The following SLC4A10 variants were observed in gnomAD, a reference collection of about 807,000 sequenced individuals.
SLC4A10 encodes solute carrier family 4 member 10.
In SLC4A10, 42 loss-of-function variants were observed where a neutral mutation model predicts 137.7. That is an observed-to-expected ratio of 0.30 (90% confidence interval 0.24 to 0.39). SLC4A10 has a LOEUF of 0.39. SLC4A10 is among the 10% of genes least tolerant of loss of function. The probability of loss-of-function intolerance (pLI) is 1.00; values close to 1 mark genes in which losing one functional copy is unlikely to be tolerated. For missense variants in SLC4A10, 925 were observed against 1,355.0 expected (o/e 0.68, Z 4.98); for synonymous variants, 474 against 464.1 (o/e 1.02, Z -0.27).
intron 2 of SLC4A10, among the ~76,000 whole-genome samples, chr2:161,789,875 G>A (rs1358248339): frequency 6.6e-6 from 1 of 152,120 alleles, no homozygotes; most frequent in Non-Finnish European, 1.5e-5. Context: ...GTGTCTGGGG[G>A]CATAAAATGT....
At position 161,847,452 on chromosome 2, in the gene SLC4A10, G is replaced by A. The variant is rs1349928704; in HGVS notation, c.417-7518G>A. On this transcript the variant is annotated intron_variant, in intron 4 of 26. Transcript: ENST00000446997. ...GTACAGATAATTTTGTCAGCTGTTA[G>A]GTAGTTTTTCAATCCTCCCATTCCT... Among the ~76,000 whole-genome samples, 5 of 151,978 alleles carry A rather than the reference G, an allele frequency of 3.3e-5. No homozygotes were observed. The East Asian group carries it at 9.7e-4, about 29-fold the overall frequency.
intron 19 of SLC4A10, among the ~76,000 whole-genome samples, 156 bp from the exon 20 acceptor site, chr2:161,956,833 A>G (rs1695755626): frequency 6.6e-6 from 1 of 152,202 alleles, no homozygotes; most frequent in Non-Finnish European, 1.5e-5. Flanking sequence ...AACGAGGGCA[A>G]TTGGAAACTG....
chr2:161,840,007 T>A, intron 4 of SLC4A10, 80 bp downstream of exon 4: 1 of 1,557,398 alleles, frequency 6.4e-7, no homozygotes, highest in Non-Finnish European at 8.8e-7. Flanking sequence ...ATGCAACAAT[T>A]TTGCAAACAT....
chr2:161,826,097 T>C (rs2058004937), intron 3 of SLC4A10, among the ~76,000 whole-genome samples: 1 of 152,206 alleles, frequency 6.6e-6, no homozygotes, highest in African/African-American at 2.4e-5. Context: ...GAAATTTCAA[T>C]GAATAGATTG....
chr2:161,835,482 C>T (rs531788687), intron 3 of SLC4A10, among the ~76,000 whole-genome samples: 5 of 150,822 alleles, frequency 3.3e-5, no homozygotes, highest in Non-Finnish European at 5.9e-5. Flanking sequence ...CAGACGATTT[C>T]GGAGAGAACT....
intron 1 of SLC4A10, among the ~76,000 whole-genome samples, chr2:161,768,976 T>G (rs2125407791): frequency 6.6e-6 from 1 of 152,076 alleles, no homozygotes; most frequent in East Asian, 1.9e-4. Flanking sequence ...AAGATGCATC[T>G]TCTGGGCCCT....
intron 15 of SLC4A10, among the ~76,000 whole-genome samples, chr2:161,913,094 A>G (rs1314229973): frequency 6.6e-6 from 1 of 152,152 alleles, no homozygotes; most frequent in African/African-American, 2.4e-5. Context: ...TGCTTTGCCC[A>G]TATTTCCCAA....
intron 10 of SLC4A10, among the ~76,000 whole-genome samples, chr2:161,894,197 C>G (rs1008814690): frequency 7.9e-5 from 12 of 151,952 alleles, no homozygotes; most frequent in African/African-American, 2.7e-4. Context: ...TGAGGAATGA[C>G]TATATATCCA....
chr2:161,737,954 A>G (rs1010766563), intron 1 of SLC4A10, among the ~76,000 whole-genome samples: 2 of 152,172 alleles, frequency 1.3e-5, no homozygotes, highest in African/African-American at 4.8e-5. Context: ...ATTTACTCTC[A>G]GTTTCTGCCT....
chr2:161,857,093 A>G (rs898071154), intron 5 of SLC4A10, among the ~76,000 whole-genome samples: 1 of 152,098 alleles, frequency 6.6e-6, no homozygotes, highest in Non-Finnish European at 1.5e-5. Flanking sequence ...TTCTCCCAGT[A>G]ATTTGACTAA....
intron 2 of SLC4A10, among the ~76,000 whole-genome samples, chr2:161,776,867 G>A (rs1262682263): frequency 6.6e-6 from 1 of 150,916 alleles, no homozygotes; most frequent in African/African-American, 2.4e-5. Context: ...GTGTGTGTGT[G>A]TGTGTGTGTG....
chr2:161,636,299 A>G (rs936620164), intron 1 of SLC4A10, among the ~76,000 whole-genome samples: 2 of 152,154 alleles, frequency 1.3e-5, no homozygotes, highest in African/African-American at 4.8e-5. Flanking sequence ...AGGTTTATCT[A>G]TGTTGTGAAT....
At chr2:161,891,384 G>A (rs1445406880) in intron 10 of SLC4A10, among the ~76,000 whole-genome samples, 1 of 152,122 alleles carries the variant, frequency 6.6e-6, no homozygotes, top group Non-Finnish European at 1.5e-5. Context: ...ATATCTTGAA[G>A]AATGTTTTCC....
At chr2:161,907,707 G>A (rs1684786757) in intron 15 of SLC4A10, among the ~76,000 whole-genome samples, 1 of 152,212 alleles carries the variant, frequency 6.6e-6, no homozygotes, top group South Asian at 2.1e-4. Context: ...TAAGGAATAG[G>A]GCAGAAAAGT....
At chr2:161,888,580 T>G (rs1369610800) in intron 10 of SLC4A10, among the ~76,000 whole-genome samples, 1 of 152,182 alleles carries the variant, frequency 6.6e-6, no homozygotes, top group Non-Finnish European at 1.5e-5. Flanking sequence ...TCACTCATGA[T>G]TTGGCTCTGT....
In SLC4A10 at chr2:161,799,765, T is replaced by C. The variant is rs903052788; in HGVS notation, c.131-4684T>C. On this transcript the variant is annotated intron_variant, in intron 2 of 26. Transcript: ENST00000446997. ...TTATTTATTTTGTCCTGAAAACAAA[T>C]GAAGTTTTTGGATCAAGACAGAGAA... Among the ~76,000 whole-genome samples the C allele has an allele frequency of 7.2e-5, 11 of 152,036 alleles. No individual in the cohort carries two copies. In the South Asian group the frequency reaches 1.7e-3, roughly 23 times the overall value.
intron 16 of SLC4A10, among the ~76,000 whole-genome samples, chr2:161,944,701 A>G (rs1411214523): frequency 6.6e-6 from 1 of 151,682 alleles, no homozygotes; most frequent in Non-Finnish European, 1.5e-5. Flanking sequence ...GCAATGGATA[A>G]TTGCTAAACT....
At chr2:161,953,025 G>A (rs1428633279) in intron 19 of SLC4A10, among the ~76,000 whole-genome samples, 1 of 152,120 alleles carries the variant, frequency 6.6e-6, no homozygotes, top group Non-Finnish European at 1.5e-5. Context: ...ACTTGTGAAA[G>A]CATTTTCAGC....
intron 16 of SLC4A10, among the ~76,000 whole-genome samples, chr2:161,945,279 C>T: frequency 7.1e-6 from 1 of 140,326 alleles, no homozygotes; most frequent in East Asian, 2.2e-4. Flanking sequence ...AATCCTTAGG[C>T]AAGATTTAAA....
Sources: allele counts gnomAD v4.1 joint callset (sites outside exome capture counted in the v4.1 genomes callset), GRCh38; gene constraint gnomAD v4.1.1; transcripts MANE v1.5; gene names NCBI Gene and HGNC (gene_info 2026-07-23, HGNC 2026-07-21).